The following LRP2 variants were observed in gnomAD, a reference collection of about 807,000 sequenced individuals.
The protein encoded by LRP2 is low-density lipoprotein receptor-related protein 2.
A neutral mutation model predicts 531.0 loss-of-function variants in LRP2; 172 were observed. That is an observed-to-expected ratio of 0.32 (90% CI 0.29 to 0.37). The LOEUF is 0.37. Among genes scored for constraint, LRP2 ranks in the 10% least tolerant of loss-of-function variants. LRP2 has a pLI of 1.00. For synonymous variants in LRP2, 1,992 were observed against 2,027.6 expected (o/e 0.98, Z 0.47); for missense variants, 5,167 against 5,868.3 (o/e 0.88, Z 3.90).
At chr2:169,152,769 A>G in intron 67 of LRP2, 30 bp downstream of exon 67, 1 of 1,613,290 alleles carries the variant, frequency 6.2e-7, no homozygotes, top group Non-Finnish European at 8.5e-7. Flanking sequence ...AAAACAGAAC[A>G]GGTAAGGGGG....
intron 1 of LRP2, among the ~76,000 whole-genome samples, chr2:169,340,879 A>G (rs1685544081): frequency 6.6e-6 from 1 of 152,164 alleles, no homozygotes; most frequent in South Asian, 2.1e-4. Context: ...TTGACTTTCT[A>G]TTAAACAAAA....
chr2:169,280,934 G>A (rs1214074599), intron 10 of LRP2, among the ~76,000 whole-genome samples: 1 of 152,150 alleles, frequency 6.6e-6, no homozygotes, highest in African/African-American at 2.4e-5. Context: ...AAATCACTCT[G>A]AAAAAGATGG....
chr2:169,238,421 G>C, intron 26 of LRP2, 119 bp from the exon 27 acceptor site: 2 of 736,528 alleles, frequency 2.7e-6, no homozygotes, highest in Non-Finnish European at 4.7e-6. Context: ...CCAAACTATA[G>C]TAAGTTGGTG....
chr2:169,154,443 C>T lies in LRP2; in HGVS notation c.12295+17G>A, dbSNP rs2105358730. On this transcript the variant is annotated intron_variant, in intron 66 of 78. Transcript: ENST00000649046. Reference sequence around the variant, plus strand: ...AGTCACTTAATATCAATGAAAGATGCCAAAGTTTATACTCACTGAGGCCTA... The same window carrying T: ...AGTCACTTAATATCAATGAAAGATGTCAAAGTTTATACTCACTGAGGCCTA... 6.2e-7 allele frequency: 1 copy of T among 1,608,964 alleles called. No homozygotes were observed. Among genetic ancestry groups the T allele is most frequent in the Non-Finnish European group, 8.5e-7 (1 of 1,175,600 alleles).
At chr2:169,288,407 C>CT (rs1227772790) in intron 9 of LRP2, among the ~76,000 whole-genome samples, 4 of 152,164 alleles carry the variant, frequency 2.6e-5, no homozygotes, top group African/African-American at 7.2e-5. Context: ...TAATGCCAGC[C>CT]ACCATCTGGA....
chr2:169,225,001 G>A (rs1042992122), intron 33 of LRP2, among the ~76,000 whole-genome samples: 4 of 152,082 alleles, frequency 2.6e-5, no homozygotes, highest in African/African-American at 7.2e-5. Context: ...TGAGACAGGA[G>A]AATTGCTTGA....
intron 48 of LRP2, 77 bp downstream of exon 48, chr2:169,191,755 G>C: frequency 8.1e-7 from 1 of 1,237,956 alleles, no homozygotes; most frequent in Non-Finnish European, 1.2e-6. Context: ...GTGGCCACGG[G>C]GTGCCTGATA....
chr2:169,157,693 T>C (rs1006094624), intron 63 of LRP2, among the ~76,000 whole-genome samples, 191 bp from the exon 64 acceptor site: 14 of 151,914 alleles, frequency 9.2e-5, no homozygotes, highest in African/African-American at 3.1e-4. Context: ...CTGAATACCA[T>C]TTAGATAAAT....
At chr2:169,156,990 A>AG (rs1184451419) in intron 64 of LRP2, among the ~76,000 whole-genome samples, 1 of 152,198 alleles carries the variant, frequency 6.6e-6, no homozygotes, top group Non-Finnish European at 1.5e-5. Flanking sequence ...GTCTGGCGTA[A>AG]GTAGGTGTAT....
At chr2:169,270,020 A>G (rs559741563) in intron 16 of LRP2, among the ~76,000 whole-genome samples, 215 of 152,278 alleles carry the variant, frequency 1.4e-3, no homozygotes, top group African/African-American at 4.8e-3. Flanking sequence ...CATCATCACT[A>G]GCCATCAGAG....
At chr2:169,152,414 C>G (rs891448734) in intron 67 of LRP2, among the ~76,000 whole-genome samples, 1 of 152,188 alleles carries the variant, frequency 6.6e-6, no homozygotes, top group Non-Finnish European at 1.5e-5. Context: ...TGTCCCATTT[C>G]TTCACAAAAT....
At chr2:169,161,242 T>C (rs1373080219) in intron 63 of LRP2, among the ~76,000 whole-genome samples, 1 of 152,214 alleles carries the variant, frequency 6.6e-6, no homozygotes, top group Admixed American at 6.5e-5. Flanking sequence ...TTAAGCTCTC[T>C]GAGCTTTATT....
chr2:169,187,771 G>T (rs902948756), intron 49 of LRP2, among the ~76,000 whole-genome samples, 199 bp downstream of exon 49: 2 of 152,154 alleles, frequency 1.3e-5, no homozygotes, highest in Non-Finnish European at 2.9e-5. Context: ...GACTATCTAA[G>T]CAAAGAATTG....
Position 169,162,553 on chromosome 2 carries a change from C to T in LRP2, c.11806G>A (p.Gly3936Ser), listed in dbSNP as rs1216675782. The change falls in exon 63 of 79, where the codon GGC (glycine) becomes AGC (serine). Residue 3936 changes from glycine (G) to serine (S), a missense_variant. Gly to Ser is a moderately conservative substitution (Grantham distance 56, BLOSUM62 0). Around this residue, in one of 6 missense-constraint regions of LRP2, gnomAD observed 564 missense variants for 747.7 expected, o/e 0.75. Coordinates refer to ENST00000649046, the MANE Select transcript of LRP2 (RefSeq NM_004525.3). ...TCATGTGGAATGCAATGCCCATTGC[C>T]ACACTTATATTCATATTCTGTACAA... The part of the protein sequence containing the change: ...KPCTEYEYKC[G>S]NGHCIPHDNV... 1.2e-6 allele frequency: 2 copies of T among 1,614,142 alleles called. No homozygotes were observed. The highest frequency in any genetic ancestry group is 1.1e-5 in the South Asian group (1 of 91,084).
intron 63 of LRP2, among the ~76,000 whole-genome samples, chr2:169,162,185 T>C (rs1686613087): frequency 1.3e-5 from 2 of 152,326 alleles, no homozygotes; most frequent in Middle Eastern, 3.4e-3. Flanking sequence ...TTAATGACAG[T>C]AAGACCTGGC....
At chr2:169,336,621 A>G in intron 1 of LRP2, among the ~76,000 whole-genome samples, 1 of 152,070 alleles carries the variant, frequency 6.6e-6, no homozygotes, top group East Asian at 1.9e-4. Context: ...CTTTTCCAGT[A>G]ATGAAACAGA....
At chr2:169,257,367 T>A (rs919313375) in intron 17 of LRP2, 118 bp from the exon 18 acceptor site, 2 of 1,069,684 alleles carry the variant, frequency 1.9e-6, no homozygotes, top group Non-Finnish European at 2.8e-6. Context: ...TTTCTTTATA[T>A]GCTATTGAAC....
intron 19 of LRP2, among the ~76,000 whole-genome samples, chr2:169,255,741 T>C (rs1690278525): frequency 6.6e-6 from 1 of 152,194 alleles, no homozygotes; most frequent in Non-Finnish European, 1.5e-5. Context: ...ATGATTACTA[T>C]AAACAGCTCT....
chr2:169,312,784 A>G (rs1448839501), intron 3 of LRP2, among the ~76,000 whole-genome samples: 2 of 152,184 alleles, frequency 1.3e-5, no homozygotes, highest in Admixed American at 6.5e-5. Flanking sequence ...CCCGGATAAT[A>G]TCCTGCAGAG....
Sources: gnomAD v4.1 joint callset for allele counts (sites outside exome capture counted in the v4.1 genomes callset) on GRCh38, gnomAD v4.1.1 for gene constraint, gnomAD v4.1.1 regional missense constraint, MANE v1.5 for transcripts, NCBI Gene and HGNC (gene_info 2026-07-23, HGNC 2026-07-21) for gene names.